HS6ST3: variants seen among roughly 807,000 people sequenced by gnomAD.
HS6ST3 encodes the protein heparan sulfate 6-O-sulfotransferase 3, also known as heparan-sulfate 6-O-sulfotransferase 3.
Under a neutral mutation model 36.7 loss-of-function variants are expected in HS6ST3, and 12 were observed. The observed-to-expected ratio is 0.33, with a 90% CI of 0.21 to 0.53. HS6ST3 has a LOEUF of 0.53. Among genes scored for constraint, HS6ST3 ranks in the 20% least tolerant of loss-of-function variants. The pLI is 0.95. For synonymous variants in HS6ST3, 240 were observed against 257.5 expected (o/e 0.93, Z 0.65); for missense variants, 584 against 640.9 (o/e 0.91, Z 0.96).
intron 1 of HS6ST3, among the ~76,000 whole-genome samples, chr13:96,262,294 T>TA (rs1047280928): frequency 3.3e-5 from 5 of 152,168 alleles, no homozygotes; most frequent in African/African-American, 1.2e-4. Flanking sequence ...AAAAGACTGT[T>TA]AGGGCCCAGG....
chr13:96,786,869 T>TA (rs1566453667), intron 1 of HS6ST3, among the ~76,000 whole-genome samples: 1 of 130 alleles, frequency 7.7e-3, no homozygotes, highest in Non-Finnish European at 0.024. Flanking sequence ...TCCCTCATGC[T>TA]ACCCTTTTTA....
chr13:96,722,963 C>A (rs894877949), intron 1 of HS6ST3, among the ~76,000 whole-genome samples: 7 of 149,840 alleles, frequency 4.7e-5, no homozygotes. Flanking sequence ...GTCAATAGAG[C>A]AAGACCCTGT....
chr13:96,105,586 G>A (rs1324435527), intron 1 of HS6ST3, among the ~76,000 whole-genome samples: 1 of 152,164 alleles, frequency 6.6e-6, no homozygotes, highest in South Asian at 2.1e-4. Flanking sequence ...GGAGGCGGAA[G>A]TTGCAGTGAG....
At chr13:96,687,237 T>C (rs1336360791) in intron 1 of HS6ST3, among the ~76,000 whole-genome samples, 1 of 152,060 alleles carries the variant, frequency 6.6e-6, no homozygotes, top group African/African-American at 2.4e-5. Flanking sequence ...TAAATTGTTT[T>C]ATTCATAATA....
intron 1 of HS6ST3, among the ~76,000 whole-genome samples, chr13:96,726,877 A>G (rs557981664): frequency 6.6e-6 from 1 of 152,078 alleles, no homozygotes; most frequent in East Asian, 1.9e-4. Context: ...GTTTCATGTC[A>G]GCAGTAATTC....
At chr13:96,505,300 A>C (rs1246536193) in intron 1 of HS6ST3, among the ~76,000 whole-genome samples, 2 of 152,220 alleles carry the variant, frequency 1.3e-5, no homozygotes, top group East Asian at 3.8e-4. Flanking sequence ...TAATGAGAAC[A>C]GCAAGTGGGT....
At chr13:96,203,675 C>T (rs1217250427) in intron 1 of HS6ST3, among the ~76,000 whole-genome samples, 1 of 152,156 alleles carries the variant, frequency 6.6e-6, no homozygotes. Context: ...ATGCTAGAAG[C>T]CAAATACCAT....
At chr13:96,780,587 T>A (rs1877501805) in intron 1 of HS6ST3, among the ~76,000 whole-genome samples, 1 of 152,174 alleles carries the variant, frequency 6.6e-6, no homozygotes, top group Non-Finnish European at 1.5e-5. Context: ...CAAAGACTCA[T>A]GTACCCTCAA....
At chr13:96,828,945 T>C (rs1043060882) in intron 1 of HS6ST3, among the ~76,000 whole-genome samples, 2 of 152,242 alleles carry the variant, frequency 1.3e-5, no homozygotes, top group African/African-American at 4.8e-5. Context: ...TCTGCAATAA[T>C]TTATTCTTTG....
intron 1 of HS6ST3, among the ~76,000 whole-genome samples, chr13:96,463,586 A>G (rs1295274033): frequency 6.6e-6 from 1 of 152,204 alleles, no homozygotes; most frequent in Non-Finnish European, 1.5e-5. Context: ...CAAAAGAGCA[A>G]ACCATTTAGT....
rs113566401 is a variant in HS6ST3, at chr13:96,576,012, G to C, written c.708-256478G>C. ...AATTATTTTTAAAAGTTGATGTGGT[G>C]ATGGTGTGGCTTCCCGAAATGGGCA... On this transcript the variant is annotated intron_variant, in intron 1 of 1. Coordinates refer to ENST00000376705, the MANE Select transcript of HS6ST3 (RefSeq NM_153456.4). 6.6e-3 allele frequency among the ~76,000 whole-genome samples: 1,002 copies of C among 152,326 alleles called. 12 individuals are homozygous for C. Among genetic ancestry groups the C allele is most frequent in the African/African-American group, 0.022 (923 of 41,578 alleles).
intron 1 of HS6ST3, among the ~76,000 whole-genome samples, chr13:96,348,003 A>G (rs893166037): frequency 3.9e-5 from 6 of 152,256 alleles, no homozygotes; most frequent in Non-Finnish European, 7.3e-5. Context: ...ACTCTTTGGC[A>G]TAGAGTAAAC....
chr13:96,434,647 C>G (rs1433030713), intron 1 of HS6ST3, among the ~76,000 whole-genome samples: 2 of 152,102 alleles, frequency 1.3e-5, no homozygotes, highest in African/African-American at 4.8e-5. Context: ...CTCACAAGCT[C>G]TGCCAAGATC....
intron 1 of HS6ST3, among the ~76,000 whole-genome samples, chr13:96,624,807 A>G (rs1300242964): frequency 6.6e-6 from 1 of 152,216 alleles, no homozygotes; most frequent in South Asian, 2.1e-4. Context: ...TCACAACCAT[A>G]AAATATACCA....
intron 1 of HS6ST3, among the ~76,000 whole-genome samples, chr13:96,530,174 C>CTT (rs2056130114): frequency 6.6e-6 from 1 of 151,860 alleles, no homozygotes; most frequent in Non-Finnish European, 1.5e-5. Context: ...ATATGATGGA[C>CTT]TTGTTTTTGT....
At position 96,212,826 on chromosome 13, in the gene HS6ST3, A is replaced by G. The variant is rs984265595; in HGVS notation, c.707+121257A>G. ...GCTGCTTCAGTGGTTGAAGAATTCTATTATCATACATGGCAGACTCTACAT... is the reference window on the plus strand; with the variant it reads ...GCTGCTTCAGTGGTTGAAGAATTCTGTTATCATACATGGCAGACTCTACAT... On this transcript the variant is annotated intron_variant, in intron 1 of 1. Coordinates refer to ENST00000376705, the MANE Select transcript of HS6ST3 (RefSeq NM_153456.4). Among the ~76,000 whole-genome samples, 6 of 152,292 alleles carry G rather than the reference A, an allele frequency of 3.9e-5. No homozygotes were observed. The East Asian group carries it at 1.2e-3, about 29-fold the overall frequency.
intron 1 of HS6ST3, among the ~76,000 whole-genome samples, chr13:96,342,018 A>G (rs1013927363): frequency 6.6e-6 from 1 of 152,032 alleles, no homozygotes; most frequent in Non-Finnish European, 1.5e-5. Context: ...GAAATTGAAC[A>G]TATCTGTGTG....
Position 96,658,268 on chromosome 13 carries a change from C to CTTTTTTTTTTTTTTTTTTTTTTTT in HS6ST3, c.708-174215_708-174192dup, listed in dbSNP as rs71213623. The stretch of plus-strand genomic sequence containing the variant: ...TTCTTCTTCTTCTTCTCTTCTTCTT[C>CTTTTTTTTTTTTTTTTTTTTTTTT]TTTTTTTTTTTTTTTTTTTTTTTTT... On this transcript the variant is annotated intron_variant, in intron 1 of 1. Transcript: ENST00000376705. Among the ~76,000 whole-genome samples, 64 of 76,166 alleles carry CTTTTTTTTTTTTTTTTTTTTTTTT rather than the reference C, an allele frequency of 8.4e-4. 11 individuals carry two copies. Among genetic ancestry groups the CTTTTTTTTTTTTTTTTTTTTTTTT allele is most frequent in the Middle Eastern group, 6.9e-3 (1 of 144 alleles). 50.0% of individuals were successfully genotyped at this position (76,166 alleles called of 152,430 possible).
chr13:96,459,100 TAAAAAA>T (rs747439262), intron 1 of HS6ST3, among the ~76,000 whole-genome samples: 31,543 of 63,518 alleles, frequency 0.5, 7,315 homozygotes, highest in Middle Eastern at 0.61. Flanking sequence ...CAAGACTGTC[TAAAAAA>T]AAAAAAAAAA....
Sources: allele counts gnomAD v4.1 joint callset (sites outside exome capture counted in the v4.1 genomes callset), GRCh38; gene constraint gnomAD v4.1.1; transcripts MANE v1.5; gene names NCBI Gene and HGNC (gene_info 2026-07-23, HGNC 2026-07-21).